Variants in NTAN1 observed in about 807,000 individuals in gnomAD.
The protein encoded by NTAN1 is N-terminal asparagine amidase, also known as protein N-terminal asparagine amidohydrolase.
Under a neutral mutation model 41.9 loss-of-function variants are expected in NTAN1, and 32 were observed. That is an observed-to-expected ratio of 0.76 (90% confidence interval 0.58 to 1.03). The LOEUF (loss-of-function observed/expected upper bound fraction) is 1.03, where lower values mean the gene tolerates loss of function less well. NTAN1 is among the 50% of genes least tolerant of loss of function. The pLI, the probability that NTAN1 is intolerant of heterozygous loss-of-function variation, is 0.00. For missense variants in NTAN1, 377 were observed against 377.5 expected, an observed-to-expected ratio of 1.00 and a Z score of 0.01; for synonymous variants, 140 against 139.5, an observed-to-expected ratio of 1.00 and a Z score of -0.03.
In NTAN1 at chr16:15,040,199, T is replaced by C. The variant is rs192292753; in HGVS notation, c.542-133A>G. 61 of 477,666 alleles carry C rather than the reference T, an allele frequency of 1.3e-4. No individual in the cohort carries two copies. The East Asian group carries it at 1.9e-3, about 15-fold the overall frequency. 29.6% of individuals were successfully genotyped at this position (477,666 alleles called of 1,614,324 possible). A position where few individuals can be genotyped will look rare whatever the true frequency, so the allele number is the denominator to read the frequency against. ...CAGAATGGCTCCTAAGTATCTGGAC[T>C]TCCCCCTCCCTGGAGGGGGAAAATG... is the stretch of plus-strand genomic sequence containing the variant. On this transcript the variant is annotated intron_variant, in intron 7 of 9. Coordinates refer to ENST00000287706, the MANE Select transcript of NTAN1 (RefSeq NM_173474.4).
intron 8 of NTAN1, among the ~76,000 whole-genome samples, 194 bp downstream of exon 8, chr16:15,039,775 A>C (rs569246778): frequency 6.6e-6 from 1 of 152,302 alleles, no homozygotes; most frequent in South Asian, 2.1e-4. Flanking sequence ...ACTGGAGCTG[A>C]TGACCTAAAG....
chr16:15,050,859 A>G (rs1487585495), intron 1 of NTAN1, among the ~76,000 whole-genome samples: 1 of 152,234 alleles, frequency 6.6e-6, no homozygotes, highest in African/African-American at 2.4e-5. Flanking sequence ...TATCAATGAA[A>G]ATGAGACAAG....
intron 1 of NTAN1, among the ~76,000 whole-genome samples, chr16:15,055,380 G>T (rs1453870054): frequency 6.6e-6 from 1 of 152,198 alleles, no homozygotes. Flanking sequence ...CTACGCCCCG[G>T]GGGTAGGGGA....
chr16:15,046,212 T>A (rs1042321553), intron 4 of NTAN1, among the ~76,000 whole-genome samples: 1 of 152,166 alleles, frequency 6.6e-6, no homozygotes, highest in African/African-American at 2.4e-5. Context: ...AGAGGGAGAA[T>A]TTAGAATCGA....
intron 9 of NTAN1, 116 bp from the exon 10 acceptor site, chr16:15,038,326 G>T (rs1016694168): frequency 2.6e-6 from 2 of 772,402 alleles, no homozygotes; most frequent in Non-Finnish European, 2.0e-6. Context: ...AATACGTTAA[G>T]AAATGAGGTG....
At chr16:15,053,658 C>A (rs941894393) in intron 1 of NTAN1, among the ~76,000 whole-genome samples, 4 of 152,048 alleles carry the variant, frequency 2.6e-5, no homozygotes, top group Non-Finnish European at 5.9e-5. Context: ...CACCGGTAAT[C>A]CCAGCACTTT....
chr16:15,049,531 C>G (rs528695517), intron 1 of NTAN1, among the ~76,000 whole-genome samples: 185 of 152,022 alleles, frequency 1.2e-3, no homozygotes, highest in African/African-American at 4.3e-3. Flanking sequence ...CAGGTTCAAG[C>G]GATTCTCGTG....
At chr16:15,049,409 A>G (rs1597805279) in intron 1 of NTAN1, among the ~76,000 whole-genome samples, 1 of 150,824 alleles carries the variant, frequency 6.6e-6, no homozygotes, top group South Asian at 2.1e-4. Flanking sequence ...AAATATGTTC[A>G]TCCCTGTGTT....
rs567175884 is a variant in NTAN1, at chr16:15,039,857, G to A, written c.639+112C>T. On this transcript the variant is annotated intron_variant, in intron 8 of 9. Coordinates refer to ENST00000287706, the MANE Select transcript of NTAN1 (RefSeq NM_173474.4). ...TATGTGCTGGTCCCTGATAATGTAC[G>A]GCTATAAAGAAGCTGACAGCATAAA... The A allele has an allele frequency of 3.9e-4, 265 of 679,118 alleles. 1 individual carries two copies. The highest frequency in any genetic ancestry group is 5.4e-4 in the African/African-American group (30 of 56,068). 42.1% of individuals were successfully genotyped at this position (679,118 alleles called of 1,614,324 possible).
chr16:15,047,785 A>G (rs2151715529), intron 3 of NTAN1, 70 bp downstream of exon 3: 1 of 1,308,860 alleles, frequency 7.6e-7, no homozygotes, highest in Non-Finnish European at 1.1e-6. Context: ...GAAACTCAAC[A>G]CGAGAAATTC....
intron 4 of NTAN1, 116 bp downstream of exon 4, chr16:15,047,326 C>T (rs760105095): frequency 2.8e-6 from 2 of 723,914 alleles, no homozygotes; most frequent in South Asian, 1.6e-5. Context: ...TCCAGGGGAA[C>T]GAGGCAGACA....
chr16:15,038,379 C>T (rs1294312013), intron 9 of NTAN1, 169 bp from the exon 10 acceptor site: 18 of 619,054 alleles, frequency 2.9e-5, no homozygotes, highest in Non-Finnish European at 4.8e-5. Flanking sequence ...ACTGCTTTAC[C>T]CACACACATT....
chr16:15,051,712 T>G (rs1048670197), intron 1 of NTAN1, among the ~76,000 whole-genome samples: 2 of 149,464 alleles, frequency 1.3e-5, no homozygotes, highest in Non-Finnish European at 3.0e-5. Context: ...TTTTTTTTTT[T>G]TTTTTAGAGA....
chr16:15,042,288 C>T (rs1203170761), intron 5 of NTAN1, among the ~76,000 whole-genome samples: 1 of 150,846 alleles, frequency 6.6e-6, no homozygotes, highest in African/African-American at 2.4e-5. Context: ...CAGGTTCAAG[C>T]GATTTTCCTG....
chr16:15,049,532 G>A (rs2044216001), intron 1 of NTAN1, among the ~76,000 whole-genome samples: 2 of 151,970 alleles, frequency 1.3e-5, no homozygotes, highest in South Asian at 2.1e-4. Flanking sequence ...AGGTTCAAGC[G>A]ATTCTCGTGC....
Position 15,041,567 on chromosome 16 carries a change from G to C in NTAN1, c.487+56C>G, listed in dbSNP as rs958500069. 46 of 1,233,494 alleles carry C rather than the reference G, an allele frequency of 3.7e-5. No homozygotes were observed. The African/African-American group carries it at 6.2e-4, about 17-fold the overall frequency. 76.4% of individuals were successfully genotyped at this position (1,233,494 alleles called of 1,614,324 possible). On this transcript the variant is annotated intron_variant, in intron 6 of 9. Transcript: ENST00000287706. ...GTGCTTGGGCCCACTGCAAGACTGG[G>C]GACAAAACGGTCCTGAGACCCACAT...
chr16:15,055,958 A>G lies in NTAN1; in HGVS notation c.14T>C (p.Val5Ala). The change falls in exon 1 of 10, where the codon GTC becomes GCC. Residue 5 changes from valine to alanine, a missense_variant. Physicochemically the swap from Val to Ala is moderately conservative, Grantham distance 64. Coordinates refer to ENST00000287706, the MANE Select transcript of NTAN1 (RefSeq NM_173474.4). Reference sequence around the variant, plus strand: ...CGGCAGCCGCACTCGCCGCCCCTCGACGAGCAGCGGCATCGCGGAGGCGGC... The same window carrying G: ...CGGCAGCCGCACTCGCCGCCCCTCGGCGAGCAGCGGCATCGCGGAGGCGGC... The part of the protein sequence containing the change: MPLL[V>A]EGRRVRLPQS... The G allele has an allele frequency of 8.1e-7, 1 of 1,227,946 alleles. No individual in the cohort carries two copies. Among genetic ancestry groups the G allele is most frequent in the Non-Finnish European group, 1.0e-6 (1 of 984,868 alleles). 76.1% of individuals were successfully genotyped at this position (1,227,946 alleles called of 1,614,324 possible).
chr16:15,052,941 C>T (rs2044354990), intron 1 of NTAN1, among the ~76,000 whole-genome samples: 2 of 152,134 alleles, frequency 1.3e-5, no homozygotes, highest in Admixed American at 1.3e-4. Context: ...TTACCGAGTA[C>T]CCAGTGACTG....
intron 1 of NTAN1, 96 bp from the exon 2 acceptor site, chr16:15,048,195 A>G: frequency 1.3e-6 from 1 of 776,152 alleles, no homozygotes; most frequent in South Asian, 1.7e-5. Flanking sequence ...CTGCGTGGGC[A>G]GCACGCTAGT....
Sources: allele counts gnomAD v4.1 joint callset (sites outside exome capture counted in the v4.1 genomes callset), GRCh38; gene constraint gnomAD v4.1.1; transcripts MANE v1.5; gene names NCBI Gene and HGNC (gene_info 2026-07-23, HGNC 2026-07-21).